The following MEGF11 variants were observed in gnomAD, a reference collection of about 807,000 sequenced individuals.
MEGF11 encodes multiple EGF like domains 11, also known as multiple epidermal growth factor-like domains protein 11.
A neutral mutation model predicts 146.6 loss-of-function variants in MEGF11; 126 were observed. The observed-to-expected ratio is 0.86, with a 90% CI of 0.74 to 1.00. The LOEUF (loss-of-function observed/expected upper bound fraction) is 1.00. Among genes scored for constraint, MEGF11 ranks in the 50% least tolerant of loss-of-function variants. The pLI, the probability that MEGF11 is intolerant of heterozygous loss-of-function variation, is 0.00. For missense variants in MEGF11, 1,509 were observed against 1,521.2 expected (o/e 0.99, Z 0.13); for synonymous variants, 532 against 583.4 (o/e 0.91, Z 1.27).
At chr15:66,230,902 C>G (rs1214991613) in intron 1 of MEGF11, among the ~76,000 whole-genome samples, 1 of 152,210 alleles carries the variant, frequency 6.6e-6, no homozygotes, top group Non-Finnish European at 1.5e-5. Context: ...GTCCAAATCA[C>G]TCAGTCTGTG....
chr15:66,202,574 C>T (rs2091192803), intron 1 of MEGF11, among the ~76,000 whole-genome samples: 1 of 152,206 alleles, frequency 6.6e-6, no homozygotes, highest in Non-Finnish European at 1.5e-5. Flanking sequence ...TGCCTCTGGC[C>T]TCCCCAACAT....
intron 17 of MEGF11, 49 bp from the exon 18 acceptor site, chr15:65,916,325 A>AT: frequency 6.5e-7 from 1 of 1,530,712 alleles, no homozygotes; most frequent in Non-Finnish European, 8.8e-7. Flanking sequence ...GGGTGGGGAC[A>AT]AGGGGGACAG....
chr15:66,038,871 A>G (rs2083833559), intron 5 of MEGF11, among the ~76,000 whole-genome samples: 1 of 152,146 alleles, frequency 6.6e-6, no homozygotes, highest in East Asian at 1.9e-4. Context: ...GCAGGAGGGG[A>G]AAAAAGAAGT....
At chr15:65,935,569 G>A (rs980919600) in intron 10 of MEGF11, among the ~76,000 whole-genome samples, 3 of 152,188 alleles carry the variant, frequency 2.0e-5, no homozygotes, top group Non-Finnish European at 2.9e-5. Flanking sequence ...GATCACAGAA[G>A]TCTTCTGTGT....
At chr15:66,048,031 T>C (rs186110788) in intron 5 of MEGF11, among the ~76,000 whole-genome samples, 57 of 151,684 alleles carry the variant, frequency 3.8e-4, no homozygotes, top group Non-Finnish European at 7.8e-4. Context: ...CTGCAACCTC[T>C]GCCTCCTGGG....
chr15:65,961,757 T>TTACTTTTTC (rs2080864834), intron 9 of MEGF11, among the ~76,000 whole-genome samples: 1 of 152,180 alleles, frequency 6.6e-6, no homozygotes, highest in African/African-American at 2.4e-5. Context: ...GGGGCTGGGA[T>TTACTTTTTC]TACTTTTTCT....
chr15:65,925,720 A>C (rs2079349482), intron 13 of MEGF11, among the ~76,000 whole-genome samples: 1 of 151,968 alleles, frequency 6.6e-6, no homozygotes, highest in Admixed American at 6.6e-5. Flanking sequence ...CCCACATCTA[A>C]ATTGGTGGGT....
chr15:66,240,609 C>T (rs1041111333), intron 1 of MEGF11, among the ~76,000 whole-genome samples: 1 of 152,218 alleles, frequency 6.6e-6, no homozygotes, highest in Admixed American at 6.5e-5. Flanking sequence ...CTGCCTTGTT[C>T]ATTTGAGTTT....
chr15:65,988,561 CA>C (rs2081941485), intron 5 of MEGF11, among the ~76,000 whole-genome samples: 2 of 152,102 alleles, frequency 1.3e-5, no homozygotes, highest in South Asian at 4.2e-4. Context: ...GTCTAGAAGA[CA>C]ACAGTGAACA....
chr15:65,965,603 T>TCTTTCTTTC (rs769147313), intron 8 of MEGF11, among the ~76,000 whole-genome samples: 12 of 72,152 alleles, frequency 1.7e-4, no homozygotes, highest in Non-Finnish European at 3.4e-4. Flanking sequence ...TTTCTTTCTT[T>TCTTTCTTTC]TTTTTTTTTC....
At chr15:65,921,471 A>G (rs1292841470) in intron 15 of MEGF11, among the ~76,000 whole-genome samples, 1 of 152,154 alleles carries the variant, frequency 6.6e-6, no homozygotes, top group African/African-American at 2.4e-5. Context: ...TCCTCTACAC[A>G]GAATGCTTTT....
intron 1 of MEGF11, among the ~76,000 whole-genome samples, chr15:66,134,955 G>A (rs2088824877): frequency 6.6e-6 from 1 of 152,258 alleles, no homozygotes; most frequent in Non-Finnish European, 1.5e-5. Flanking sequence ...TCATGTGAAG[G>A]GAATGGTGGA....
At chr15:66,142,098 A>T (rs985550945) in intron 1 of MEGF11, among the ~76,000 whole-genome samples, 1 of 152,184 alleles carries the variant, frequency 6.6e-6, no homozygotes, top group African/African-American at 2.4e-5. Context: ...TTATTACACA[A>T]CAGGCCAGTT....
intron 1 of MEGF11, among the ~76,000 whole-genome samples, chr15:66,208,129 T>C (rs1212068875): frequency 5.3e-5 from 8 of 151,176 alleles, no homozygotes; most frequent in Non-Finnish European, 1.0e-4. Flanking sequence ...TGGAACTATA[T>C]AGGAACAAAG....
Position 65,980,800 on chromosome 15 carries a change from C to T in MEGF11, c.740G>A (p.Cys247Tyr). ...GGTCHHITGECACPPGWTGAV... is the reference protein window; with the variant it reads ...GGTCHHITGEYACPPGWTGAV... ...TACCGTCCAGCCTGGGGGGCAGGCA[C>T]ACTCGCCAGTGATGTGGTGGCAGGT... Residue 247 changes from cysteine (C) to tyrosine (Y), a missense_variant, in exon 7 of 26, where the codon TGT (cysteine) becomes TAT (tyrosine). By Grantham distance (194) the Cys-to-Tyr change is radical. Transcript: ENST00000395614. 1 of 1,607,122 alleles carries T rather than the reference C, an allele frequency of 6.2e-7. No individual in the cohort carries two copies. Among genetic ancestry groups the T allele is most frequent in the South Asian group, 1.1e-5 (1 of 89,396 alleles).
chr15:65,946,604 G>A (rs1254451689), intron 10 of MEGF11, among the ~76,000 whole-genome samples: 1 of 152,146 alleles, frequency 6.6e-6, no homozygotes, highest in East Asian at 1.9e-4. Flanking sequence ...TGTTGGCCAG[G>A]CTGCTCTCGA....
intron 4 of MEGF11, among the ~76,000 whole-genome samples, chr15:66,104,951 C>T (rs1216794495): frequency 6.6e-6 from 1 of 152,106 alleles, no homozygotes; most frequent in Non-Finnish European, 1.5e-5. Flanking sequence ...ACAACAAATG[C>T]TGCTTAGTGC....
intron 13 of MEGF11, among the ~76,000 whole-genome samples, chr15:65,924,356 GGTAGGTGGGGT>G (rs1326242603): frequency 6.8e-6 from 1 of 146,332 alleles, no homozygotes; most frequent in Non-Finnish European, 1.5e-5. Context: ...GTTGCGGGTG[GGTAGGTGGGGT>G]GTGGGTGGGG....
chr15:66,025,201 G>GA (rs2050228126), intron 5 of MEGF11, among the ~76,000 whole-genome samples: 1 of 152,240 alleles, frequency 6.6e-6, no homozygotes, highest in Admixed American at 6.5e-5. Flanking sequence ...ACCTGGGCCA[G>GA]TGCCCAAGAG....
Sources: gnomAD v4.1 joint callset for allele counts (sites outside exome capture counted in the v4.1 genomes callset) on GRCh38, gnomAD v4.1.1 for gene constraint, MANE v1.5 for transcripts, NCBI Gene and HGNC (gene_info 2026-07-23, HGNC 2026-07-21) for gene names.